Variants in GULP1 observed in about 807,000 individuals in gnomAD.
GULP1 encodes PTB domain-containing engulfment adapter protein 1.
A neutral mutation model predicts 40.9 loss-of-function variants in GULP1; 19 were observed. That is an observed-to-expected ratio of 0.46 (90% CI 0.32 to 0.68). The LOEUF is 0.68. GULP1 is among the 30% of genes least tolerant of loss of function. The pLI is 0.03. For missense variants in GULP1, 312 were observed against 362.2 expected, an observed-to-expected ratio of 0.86 and a Z score of 1.12; for synonymous variants, 119 against 117.6, an observed-to-expected ratio of 1.01 and a Z score of -0.08.
intron 2 of GULP1, among the ~76,000 whole-genome samples, chr2:188,390,063 G>A (rs955805722): frequency 7.3e-5 from 11 of 151,268 alleles, no homozygotes; most frequent in Admixed American, 6.6e-4. Flanking sequence ...CTTTGCCTTT[G>A]TGAATTGTGC....
rs544414539 is a variant in GULP1, at chr2:188,412,941, A to AT, written c.-45+29060dup. Among the ~76,000 whole-genome samples, 405 of 152,150 alleles carry AT rather than the reference A, an allele frequency of 2.7e-3. 2 individuals carry two copies. The highest frequency in any genetic ancestry group is 9.0e-3 in the African/African-American group (374 of 41,496). On this transcript the variant is annotated intron_variant, in intron 2 of 11. Transcript: ENST00000409830. ...TCAACTCTTAAAAATAACTTACCAAATTTTTTTTAAAATCTTAAAAAATAA... is the reference window on the plus strand; with the variant it reads ...TCAACTCTTAAAAATAACTTACCAAATTTTTTTTTAAAATCTTAAAAAATAA...
intron 1 of GULP1, among the ~76,000 whole-genome samples, chr2:188,364,701 G>A (rs1177324909): frequency 2.5e-5 from 3 of 119,792 alleles, no homozygotes; most frequent in Non-Finnish European, 3.5e-5. Context: ...GGATATGTAT[G>A]TGTGTGTGTG....
At chr2:188,412,618 C>T (rs941923925) in intron 2 of GULP1, among the ~76,000 whole-genome samples, 3 of 152,124 alleles carry the variant, frequency 2.0e-5, no homozygotes, top group Admixed American at 1.3e-4. Flanking sequence ...AAACCCTTTA[C>T]GATACTGTTG....
intron 2 of GULP1, among the ~76,000 whole-genome samples, chr2:188,412,388 G>A (rs981718967): frequency 8.5e-5 from 13 of 152,074 alleles, no homozygotes; most frequent in Non-Finnish European, 1.2e-4. Context: ...CTTCACATCC[G>A]CTTCAGTGAC....
At chr2:188,346,444 A>C (rs1431585828) in intron 1 of GULP1, among the ~76,000 whole-genome samples, 2 of 152,152 alleles carry the variant, frequency 1.3e-5, no homozygotes, top group Non-Finnish European at 2.9e-5. Context: ...AACAAACAAG[A>C]AAAGGTTTTT....
At chr2:188,312,655 A>G (rs1347827568) in intron 1 of GULP1, among the ~76,000 whole-genome samples, 2 of 152,060 alleles carry the variant, frequency 1.3e-5, no homozygotes, top group Non-Finnish European at 2.9e-5. Flanking sequence ...CCTTTGAGTA[A>G]ATACCCGGTA....
chr2:188,490,896 T>C (rs759630363), intron 4 of GULP1, among the ~76,000 whole-genome samples: 1 of 152,040 alleles, frequency 6.6e-6, no homozygotes, highest in African/African-American at 2.4e-5. Flanking sequence ...CTCTGCCTCC[T>C]GGGCTCAGGT....
chr2:188,321,659 T>G (rs2039995923), intron 1 of GULP1, among the ~76,000 whole-genome samples: 1 of 152,136 alleles, frequency 6.6e-6, no homozygotes, highest in Non-Finnish European at 1.5e-5. Context: ...AAATGTAGTC[T>G]TCTATATCTT....
At chr2:188,489,237 A>G (rs1396756949) in intron 4 of GULP1, among the ~76,000 whole-genome samples, 1 of 152,068 alleles carries the variant, frequency 6.6e-6, no homozygotes, top group African/African-American at 2.4e-5. Flanking sequence ...GTAATCGATG[A>G]GATGCCTTGT....
chr2:188,304,888 GTGACCAAATATATGGGTTTTT>G (rs1199758250), intron 1 of GULP1, among the ~76,000 whole-genome samples: 1 of 152,158 alleles, frequency 6.6e-6, no homozygotes, highest in African/African-American at 2.4e-5. Context: ...GATGACTTCT[GTGACCAAATATATGGGTTTTT>G]TTCCCCATCA....
At chr2:188,352,520 T>C (rs912397046) in intron 1 of GULP1, among the ~76,000 whole-genome samples, 2 of 151,952 alleles carry the variant, frequency 1.3e-5, no homozygotes, top group Non-Finnish European at 2.9e-5. Context: ...CTTCCGTCAT[T>C]GCATGAGCCC....
chr2:188,411,650 C>A (rs1293697137), intron 2 of GULP1, among the ~76,000 whole-genome samples: 1 of 152,196 alleles, frequency 6.6e-6, no homozygotes, highest in South Asian at 2.1e-4. Context: ...AGAATTTCAT[C>A]CACATACCTC....
chr2:188,321,872 G>A (rs973779057), intron 1 of GULP1, among the ~76,000 whole-genome samples: 2 of 151,862 alleles, frequency 1.3e-5, no homozygotes, highest in Admixed American at 6.6e-5. Flanking sequence ...CAAATTAGCC[G>A]GGTGTGGTGG....
intron 4 of GULP1, among the ~76,000 whole-genome samples, chr2:188,521,071 A>G (rs1265946558): frequency 1.3e-5 from 2 of 152,004 alleles, no homozygotes; most frequent in Non-Finnish European, 2.9e-5. Context: ...TCCTATGTCT[A>G]TACATAGGAG....
intron 11 of GULP1, chr2:188,593,616 T>G (rs1218708135): frequency 1.2e-5 from 2 of 162,062 alleles, no homozygotes; most frequent in African/African-American, 2.4e-5. Context: ...TTTTTAAAGC[T>G]AACAGATTTC....
chr2:188,449,689 A>T (rs1177036489), intron 2 of GULP1, among the ~76,000 whole-genome samples: 2 of 152,202 alleles, frequency 1.3e-5, no homozygotes, highest in Non-Finnish European at 1.5e-5. Flanking sequence ...AATGGGAAAG[A>T]TTGTAAAGAA....
At chr2:188,338,268 T>G (rs2042528683) in intron 1 of GULP1, among the ~76,000 whole-genome samples, 1 of 151,618 alleles carries the variant, frequency 6.6e-6, no homozygotes, top group Non-Finnish European at 1.5e-5. Context: ...TATTTGTTTT[T>G]GGGGAAAACA....
chr2:188,468,642 G>A (rs1309451082), intron 2 of GULP1, among the ~76,000 whole-genome samples: 2 of 152,186 alleles, frequency 1.3e-5, no homozygotes, highest in South Asian at 4.1e-4. Context: ...ATTAGTGTGA[G>A]AGAATGAGAA....
chr2:188,381,403 GTTAAA>G (rs144509881), intron 1 of GULP1, among the ~76,000 whole-genome samples: 10,172 of 152,064 alleles, frequency 0.067, 1,132 homozygotes, highest in African/African-American at 0.23. Context: ...CTACGGGGAT[GTTAAA>G]TTGAATTGAC....
Sources: gnomAD v4.1 joint callset for allele counts (sites outside exome capture counted in the v4.1 genomes callset) on GRCh38, gnomAD v4.1.1 for gene constraint, MANE v1.5 for transcripts, NCBI Gene and HGNC (gene_info 2026-07-23, HGNC 2026-07-21) for gene names.